ROBO2: variants seen among roughly 807,000 people sequenced by gnomAD.
ROBO2 encodes roundabout homolog 2.
A neutral mutation model predicts 160.8 loss-of-function variants in ROBO2; 53 were observed. The observed-to-expected ratio is 0.33, with a 90% CI of 0.26 to 0.41. The LOEUF is 0.41. Among genes scored for constraint, ROBO2 ranks in the 10% least tolerant of loss-of-function variants. ROBO2 has a pLI of 1.00. For missense variants in ROBO2, 1,577 were observed against 1,722.4 expected (o/e 0.92, Z 1.49); for synonymous variants, 664 against 611.7 (o/e 1.09, Z -1.26).
Position 76,775,754 on chromosome 3 carries a change from A to AGT in ROBO2, c.110-322260_110-322259insGT, listed in dbSNP as rs2062208732. Among the ~76,000 whole-genome samples, 3 of 41,176 alleles carry AGT rather than the reference A, an allele frequency of 7.3e-5. No homozygotes were observed. The South Asian group carries it at 2.3e-3, about 31-fold the overall frequency. 27.0% of individuals were successfully genotyped at this position (41,176 alleles called of 152,430 possible). ...ATACATCGATGTTATTTAATTGTTC[A>AGT]CTCTTACTAAGCCTTCAAATTGTAT... On this transcript the variant is annotated intron_variant, in intron 2 of 26. Coordinates refer to the ROBO2 transcript ENST00000487694.
chr3:77,272,555 A>T (rs2059568755), intron 2 of ROBO2, among the ~76,000 whole-genome samples: 1 of 152,210 alleles, frequency 6.6e-6, no homozygotes, highest in African/African-American at 2.4e-5. Flanking sequence ...ACTGGGGATT[A>T]CAATTTATCA....
intron 2 of ROBO2, among the ~76,000 whole-genome samples, chr3:76,779,713 C>T (rs2062510801): frequency 6.6e-6 from 1 of 150,918 alleles, no homozygotes; most frequent in African/African-American, 2.4e-5. Flanking sequence ...TCAAGTGAAG[C>T]AGTGGAAGTA....
At position 76,266,426 on chromosome 3, in the gene ROBO2, A is replaced by T. The variant is rs142088517; in HGVS notation, c.109+328824A>T. Among the ~76,000 whole-genome samples, 245 of 152,270 alleles carry T rather than the reference A, an allele frequency of 1.6e-3. 1 individual carries two copies. The highest frequency in any genetic ancestry group is 5.2e-3 in the African/African-American group (215 of 41,560). ...TATTATCTATAACTACTCTCACATC[A>T]CACAGGGCATAGTAAAGTATCTGCC... On this transcript the variant is annotated intron_variant, in intron 2 of 26. Transcript: ENST00000487694.
chr3:76,905,996 T>C (rs2075576738), intron 2 of ROBO2, among the ~76,000 whole-genome samples: 1 of 152,172 alleles, frequency 6.6e-6, no homozygotes, highest in Admixed American at 6.6e-5. Context: ...TAGCTATCAA[T>C]AAAATCTTTC....
At chr3:75,987,843 C>A (rs2065455789) in intron 2 of ROBO2, among the ~76,000 whole-genome samples, 1 of 151,804 alleles carries the variant, frequency 6.6e-6, no homozygotes, top group South Asian at 2.1e-4. Flanking sequence ...TTACATTGAT[C>A]AATTTTCGTG....
chr3:76,817,196 A>G (rs1358558003), intron 2 of ROBO2, among the ~76,000 whole-genome samples: 1 of 152,100 alleles, frequency 6.6e-6, no homozygotes, highest in African/African-American at 2.4e-5. Context: ...CATGTTTCCC[A>G]TAACTTAAAG....
chr3:77,617,295 G>A (rs1448535295), intron 21 of ROBO2, among the ~76,000 whole-genome samples: 5 of 152,126 alleles, frequency 3.3e-5, no homozygotes, highest in African/African-American at 1.2e-4. Flanking sequence ...GGTCTTTTAA[G>A]AATAAATTGA....
At chr3:76,944,383 C>T (rs2078384555) in intron 2 of ROBO2, among the ~76,000 whole-genome samples, 1 of 152,048 alleles carries the variant, frequency 6.6e-6, no homozygotes, top group East Asian at 1.9e-4. Flanking sequence ...CCTTTCACTC[C>T]ACACTACCCA....
At chr3:76,112,144 C>T (rs1035577548) in intron 2 of ROBO2, among the ~76,000 whole-genome samples, 2 of 152,130 alleles carry the variant, frequency 1.3e-5, no homozygotes, top group Non-Finnish European at 2.9e-5. Flanking sequence ...ATCACAGCCC[C>T]ACAGATATAA....
chr3:77,333,326 A>G (rs1457566270), intron 2 of ROBO2, among the ~76,000 whole-genome samples: 1 of 152,174 alleles, frequency 6.6e-6, no homozygotes, highest in East Asian at 1.9e-4. Flanking sequence ...CTTTCACCAT[A>G]TTTCTAACAT....
At chr3:76,543,484 C>T (rs563684121) in intron 2 of ROBO2, among the ~76,000 whole-genome samples, 20 of 152,070 alleles carry the variant, frequency 1.3e-4, no homozygotes, top group Non-Finnish European at 2.6e-4. Flanking sequence ...ATCTCTTTTC[C>T]TTGTTCCTAC....
intron 2 of ROBO2, among the ~76,000 whole-genome samples, chr3:76,251,271 A>G (rs1008483331): frequency 6.6e-6 from 1 of 152,108 alleles, no homozygotes; most frequent in East Asian, 1.9e-4. Flanking sequence ...AAAGAAAAAA[A>G]AAATCCACCT....
intron 2 of ROBO2, among the ~76,000 whole-genome samples, chr3:76,531,619 T>G (rs1407409915): frequency 9.7e-5 from 14 of 143,650 alleles, no homozygotes; most frequent in Non-Finnish European, 1.7e-4. Context: ...TTGTACAGTT[T>G]CTTTTTTTTT....
chr3:76,124,782 A>T (rs1193631505), intron 2 of ROBO2, among the ~76,000 whole-genome samples: 1 of 152,274 alleles, frequency 6.6e-6, no homozygotes, highest in Non-Finnish European at 1.5e-5. Flanking sequence ...CTGAAGAGGA[A>T]TTTTTGAAGT....
At chr3:76,289,258 A>G (rs1708684097) in intron 2 of ROBO2, among the ~76,000 whole-genome samples, 1 of 152,022 alleles carries the variant, frequency 6.6e-6, no homozygotes, top group African/African-American at 2.4e-5. Flanking sequence ...AATGTTGGGC[A>G]TTTTTTCATA....
At chr3:76,987,077 A>T (rs2060418906) in intron 2 of ROBO2, among the ~76,000 whole-genome samples, 1 of 152,214 alleles carries the variant, frequency 6.6e-6, no homozygotes, top group Non-Finnish European at 1.5e-5. Context: ...AGTACAGTAA[A>T]AGAAGCAGGC....
At chr3:76,790,500 A>C (rs1370621747) in intron 2 of ROBO2, among the ~76,000 whole-genome samples, 1 of 151,720 alleles carries the variant, frequency 6.6e-6, no homozygotes, top group African/African-American at 2.4e-5. Flanking sequence ...TGTTAAGTTG[A>C]AAATGTAATA....
intron 16 of ROBO2, among the ~76,000 whole-genome samples, chr3:77,581,068 C>G (rs1234999217): frequency 6.6e-6 from 1 of 152,052 alleles, no homozygotes; most frequent in Non-Finnish European, 1.5e-5. Context: ...CTTAAATTTT[C>G]TTTTATGACT....
At chr3:77,553,445 A>C (rs551837255) in intron 8 of ROBO2, among the ~76,000 whole-genome samples, 1 of 152,098 alleles carries the variant, frequency 6.6e-6, no homozygotes, top group African/African-American at 2.4e-5. Context: ...GAAAAGTCAC[A>C]TGTCTCTGAC....
Sources: allele counts gnomAD v4.1 joint callset (sites outside exome capture counted in the v4.1 genomes callset), GRCh38; gene constraint gnomAD v4.1.1; transcripts MANE v1.5; gene names NCBI Gene and HGNC (gene_info 2026-07-23, HGNC 2026-07-21).